Variants in ROBO1 observed in about 807,000 individuals in gnomAD.
ROBO1 encodes roundabout guidance receptor 1, also known as roundabout homolog 1.
Under a neutral mutation model 195.9 loss-of-function variants are expected in ROBO1, and 149 were observed. The observed-to-expected ratio is 0.76, with a 90% CI of 0.67 to 0.87. The LOEUF (loss-of-function observed/expected upper bound fraction) is 0.87, where lower values mean the gene tolerates loss of function less well. ROBO1 is among the 40% of genes least tolerant of loss of function. The pLI is 0.00. For missense variants in ROBO1, 1,933 were observed against 2,068.3 expected, an observed-to-expected ratio of 0.93 and a Z score of 1.27; for synonymous variants, 816 against 733.2, an observed-to-expected ratio of 1.11 and a Z score of -1.82.
chr3:78,992,835 T>C (rs1164884197), intron 3 of ROBO1, among the ~76,000 whole-genome samples: 1 of 152,088 alleles, frequency 6.6e-6, no homozygotes, highest in Non-Finnish European at 1.5e-5. Flanking sequence ...ACACCTAGTG[T>C]TTTCCAGAGC....
intron 9 of ROBO1, among the ~76,000 whole-genome samples, chr3:78,686,890 T>C (rs1218472342): frequency 6.6e-6 from 1 of 152,168 alleles, no homozygotes; most frequent in Admixed American, 6.5e-5. Context: ...AATTAAAAGA[T>C]CACGCTTCTT....
chr3:79,650,863 T>C (rs1340181888), intron 1 of ROBO1, among the ~76,000 whole-genome samples: 1 of 151,950 alleles, frequency 6.6e-6, no homozygotes, highest in Non-Finnish European at 1.5e-5. Flanking sequence ...CTTGACCCCA[T>C]TTAGAAAATA....
chr3:79,471,625 T>A (rs1938275194), intron 2 of ROBO1, among the ~76,000 whole-genome samples: 3 of 152,114 alleles, frequency 2.0e-5, no homozygotes. Flanking sequence ...AATTTCAAAT[T>A]TTCTTTGATC....
intron 5 of ROBO1, among the ~76,000 whole-genome samples, chr3:78,725,404 G>A (rs550855934): frequency 6.5e-4 from 99 of 152,188 alleles, no homozygotes; most frequent in Non-Finnish European, 7.4e-4. Context: ...ATGTCAAAAT[G>A]TAAAAATTCT....
intron 4 of ROBO1, among the ~76,000 whole-genome samples, chr3:78,931,674 G>T (rs2039541070): frequency 1.3e-5 from 2 of 152,186 alleles, no homozygotes; most frequent in African/African-American, 2.4e-5. Context: ...GATTTTAAAA[G>T]GTTTAAATTG....
intron 4 of ROBO1, among the ~76,000 whole-genome samples, chr3:78,772,265 T>A (rs1462065698): frequency 6.6e-6 from 1 of 152,108 alleles, no homozygotes; most frequent in Non-Finnish European, 1.5e-5. Flanking sequence ...CCCATTTGAC[T>A]TTATTGCTCT....
rs147102058 is a variant in ROBO1 at position 79,425,971 on chromosome 3, C to T, written c.88+163853G>A. Among the ~76,000 whole-genome samples, 275 of 152,234 alleles carry T rather than the reference C, an allele frequency of 1.8e-3. 1 individual carries two copies. The highest frequency in any genetic ancestry group is 6.2e-3 in the African/African-American group (257 of 41,534). On this transcript the variant is annotated intron_variant, in intron 2 of 30. Transcript: ENST00000464233. ...TCTCAAATAATTTTTAAATTTTTCA[C>T]ATAGATTTAAAATTGATTAAGAAAT... is the stretch of plus-strand genomic sequence containing the variant.
At chr3:78,909,578 T>A (rs2038126384) in intron 4 of ROBO1, among the ~76,000 whole-genome samples, 1 of 151,902 alleles carries the variant, frequency 6.6e-6, no homozygotes, top group South Asian at 2.1e-4. Context: ...GATTATAATT[T>A]GATTTCCTGG....
Position 78,990,957 on chromosome 3 carries a change from A to G in ROBO1, c.173-52030T>C, listed in dbSNP as rs570607968. Among the ~76,000 whole-genome samples, 11 of 152,356 alleles carry G rather than the reference A, an allele frequency of 7.2e-5. No individual in the cohort carries two copies. In the East Asian group the frequency reaches 2.1e-3, roughly 29 times the overall value. ...TAAGTATAATTTAAATTGCCTTTGT[A>G]ATAGGACTCAGTCTGTGGTTGTTCC... On this transcript the variant is annotated intron_variant, in intron 3 of 30. Coordinates refer to ENST00000464233, the MANE Select transcript of ROBO1 (RefSeq NM_002941.4).
intron 2 of ROBO1, among the ~76,000 whole-genome samples, chr3:79,295,775 T>C (rs1220311067): frequency 6.6e-6 from 1 of 152,108 alleles, no homozygotes; most frequent in East Asian, 1.9e-4. Context: ...ATAACAAACA[T>C]GTAAATCTCT....
rs1466165598 is a variant in ROBO1, at chr3:79,603,312, G to T, written c.-50-13351C>A. 2.0e-5 allele frequency among the ~76,000 whole-genome samples: 3 copies of T among 151,914 alleles called. No individual in the cohort carries two copies. In the East Asian group the frequency reaches 5.8e-4, roughly 30 times the overall value. On this transcript the variant is annotated intron_variant, in intron 1 of 30. Coordinates refer to ENST00000464233, the MANE Select transcript of ROBO1 (RefSeq NM_002941.4). ...GGTTTCATTACCTTGCCAGCCCAGA[G>T]AATTGCTCAAACAAGCCAAGCCAAT...
intron 20 of ROBO1, among the ~76,000 whole-genome samples, chr3:78,647,239 CAG>C (rs1215013154): frequency 5.3e-5 from 8 of 151,942 alleles, no homozygotes; most frequent in South Asian, 2.1e-4. Context: ...ATTCTGGGGA[CAG>C]AGAATTATAA....
chr3:79,019,330 G>C (rs1454468868), intron 3 of ROBO1: 12 of 985,756 alleles, frequency 1.2e-5, no homozygotes, highest in Non-Finnish European at 1.4e-5. Context: ...CTCTCCCCGG[G>C]GTGGCAGAGA....
intron 2 of ROBO1, among the ~76,000 whole-genome samples, chr3:79,378,424 C>A (rs1317986577): frequency 4.6e-5 from 7 of 152,160 alleles, no homozygotes; most frequent in Admixed American, 6.6e-5. Context: ...TCAAAACTTA[C>A]TGCTGCTGTG....
At chr3:79,212,835 A>AAATAT (rs1422794395) in intron 2 of ROBO1, among the ~76,000 whole-genome samples, 1 of 148,496 alleles carries the variant, frequency 6.7e-6, no homozygotes, top group East Asian at 1.9e-4. Flanking sequence ...AAATAAAATA[A>AAATAT]AATAAATAAA....
At chr3:79,728,508 TA>T (rs1463155942) in intron 1 of ROBO1, among the ~76,000 whole-genome samples, 5 of 152,112 alleles carry the variant, frequency 3.3e-5, no homozygotes, top group African/African-American at 9.6e-5. Flanking sequence ...AGTAGAAGTG[TA>T]AAAGGTGAAA....
rs1435054050 is a variant in ROBO1, at chr3:78,830,122, G to C, written c.500-83222C>G. ...AAAACAAATCCGCCCATGATGGCTA[G>C]AGACAAAAGCTCAGTCATGCAGCCA... On this transcript the variant is annotated intron_variant, in intron 4 of 30. Transcript: ENST00000464233. Among the ~76,000 whole-genome samples the C allele has an allele frequency of 2.0e-5, 3 of 152,158 alleles. No individual in the cohort carries two copies. The East Asian group carries it at 5.8e-4, about 29-fold the overall frequency.
At position 78,620,793 on chromosome 3, in the gene ROBO1, G is replaced by A. The variant is rs183533733; in HGVS notation, c.3876-2752C>T. On this transcript the variant is annotated intron_variant, in intron 26 of 30. Transcript: ENST00000464233. Reference sequence around the variant, plus strand: ...TTACCAAAGTTGCCACAGATCACATGTATCAAATGCAGAATTTAAAACCAA... The same window carrying A: ...TTACCAAAGTTGCCACAGATCACATATATCAAATGCAGAATTTAAAACCAA... Among the ~76,000 whole-genome samples the A allele has an allele frequency of 3.3e-4, 50 of 151,708 alleles. No individual in the cohort carries two copies. The East Asian group carries it at 6.8e-3, about 21-fold the overall frequency.
chr3:79,057,814 C>T (rs1422087378), intron 3 of ROBO1, among the ~76,000 whole-genome samples: 1 of 150,550 alleles, frequency 6.6e-6, no homozygotes, highest in Admixed American at 6.6e-5. Context: ...GCTGGATGCT[C>T]CTGCAGAAAT....
Sources: allele counts gnomAD v4.1 joint callset (sites outside exome capture counted in the v4.1 genomes callset), GRCh38; gene constraint gnomAD v4.1.1; transcripts MANE v1.5; gene names NCBI Gene and HGNC (gene_info 2026-07-23, HGNC 2026-07-21).